The following ZNF736 variants were observed in gnomAD, a reference collection of about 807,000 sequenced individuals.
ZNF736 encodes the protein KRAB-containing zinc-finger repressor protein.
In ZNF736, 6 loss-of-function variants were observed where a neutral mutation model predicts 11.7. That is an observed-to-expected ratio of 0.51 (90% CI 0.28 to 1.01). The LOEUF (loss-of-function observed/expected upper bound fraction) is 1.01. Ranked by LOEUF, ZNF736 falls within the 50% of genes least tolerant of loss-of-function variation. ZNF736 has a pLI of 0.09. For synonymous variants in ZNF736, 139 were observed against 164.7 expected (o/e 0.84, Z 1.19); for missense variants, 444 against 496.0 (o/e 0.90, Z 1.00).
At chr7:64,316,646 C>T (rs934130313) in intron 1 of ZNF736, among the ~76,000 whole-genome samples, 3 of 152,084 alleles carry the variant, frequency 2.0e-5, no homozygotes, top group Non-Finnish European at 2.9e-5. Context: ...CACTACTTCT[C>T]CCTGTGTTTG....
Position 64,354,671 on chromosome 7 carries a change from T to A in ZNF736, c.*5524T>A, listed in dbSNP as rs1204064316. 6.6e-6 allele frequency: 1 copy of A among 152,200 alleles called. No homozygotes were observed. Among genetic ancestry groups the A allele is most frequent in the African/African-American group, 2.4e-5 (1 of 41,462 alleles). The allele number at this position is 152,200 out of a possible 1,614,324, so 9.4% of individuals were successfully genotyped here. A position where few individuals can be genotyped will look rare whatever the true frequency, so the allele number is the denominator to read the frequency against. ...TGAAAGTGACTTTGATAAAATTTAA[T>A]GGTGTTCACAAAATAATTTTCACGT... On this transcript the variant is annotated 3_prime_UTR_variant, in exon 4 of 4. Coordinates refer to ENST00000423484, the MANE Select transcript of ZNF736 (RefSeq NM_001170905.3).
intron 1 of ZNF736, among the ~76,000 whole-genome samples, chr7:64,319,791 G>A (rs1788979023): frequency 7.1e-6 from 1 of 140,554 alleles, no homozygotes; most frequent in African/African-American, 2.8e-5. Context: ...ACTACGCTCA[G>A]ACAAAAACAT....
intron 1 of ZNF736, among the ~76,000 whole-genome samples, chr7:64,331,546 T>C (rs532362608): frequency 3.7e-4 from 57 of 152,340 alleles, no homozygotes; most frequent in African/African-American, 1.3e-3. Context: ...TTTGCTCTTA[T>C]GAAGATGCTT....
At chr7:64,340,980 C>T (rs1481511774) in intron 3 of ZNF736, among the ~76,000 whole-genome samples, 1 of 151,906 alleles carries the variant, frequency 6.6e-6, no homozygotes, top group East Asian at 1.9e-4. Context: ...CATTGGTCTC[C>T]TTAATCATAT....
intron 3 of ZNF736, among the ~76,000 whole-genome samples, chr7:64,342,825 A>T (rs1789356724): frequency 6.6e-6 from 1 of 152,102 alleles, no homozygotes; most frequent in African/African-American, 2.4e-5. Flanking sequence ...CATTTTCATC[A>T]ACTTTTCTCA....
Position 64,314,077 on chromosome 7 carries a change from G to C in ZNF736, c.-74G>C. On this transcript the variant is annotated 5_prime_UTR_variant, in exon 1 of 4. Transcript: ENST00000423484. ...GGAGTTCCTCGGTGACTCTACTATA[G>C]CTTCTGTTATCCTGTGACCTGCAGG... 1 of 1,547,148 alleles carries C rather than the reference G, an allele frequency of 6.5e-7. No homozygotes were observed. The highest frequency in any genetic ancestry group is 8.7e-7 in the Non-Finnish European group (1 of 1,143,168).
chr7:64,325,996 T>C (rs1584267192), intron 1 of ZNF736, among the ~76,000 whole-genome samples: 1 of 152,334 alleles, frequency 6.6e-6, no homozygotes, highest in Admixed American at 6.5e-5. Context: ...ATATGACAAA[T>C]TATGCTGTTA....
At chr7:64,343,128 T>C (rs1275957006) in intron 3 of ZNF736, among the ~76,000 whole-genome samples, 2 of 152,198 alleles carry the variant, frequency 1.3e-5, no homozygotes, top group Non-Finnish European at 2.9e-5. Flanking sequence ...ATTCAAACTT[T>C]ATTGTCTTCA....
At position 64,330,242 on chromosome 7, in the gene ZNF736, C is replaced by T. The variant is rs575131234; in HGVS notation, c.4-6017C>T. 1.3e-4 allele frequency among the ~76,000 whole-genome samples: 20 copies of T among 152,072 alleles called. No homozygotes were observed. In the South Asian group the frequency reaches 3.5e-3, roughly 27 times the overall value. On this transcript the variant is annotated intron_variant, in intron 1 of 3. Transcript: ENST00000423484. Reference sequence around the variant, plus strand: ...AGTGATCTTGGCTCACTGCAAGCTCCGCCTCCCGGGTTCCCGCCATTCTCC... The same window carrying T: ...AGTGATCTTGGCTCACTGCAAGCTCTGCCTCCCGGGTTCCCGCCATTCTCC...
At position 64,348,644 on chromosome 7, in the gene ZNF736, G is replaced by C; in HGVS notation, c.781G>C (p.Glu261Gln). The C allele has an allele frequency of 6.2e-7, 1 of 1,607,386 alleles. No individual in the cohort carries two copies. The highest frequency in any genetic ancestry group is 8.5e-7 in the Non-Finnish European group (1 of 1,176,802). Reference protein sequence around the residue: ...HTGDRPYKCEECGKAFKCFSD... With the variant: ...HTGDRPYKCEQCGKAFKCFSD... ...TGGAGACAGACCCTACAAATGTGAA[G>C]AATGTGGCAAAGCCTTTAAGTGCTT... is the stretch of plus-strand genomic sequence containing the variant. Residue 261 changes from glutamate (E) to glutamine (Q), a missense_variant, in exon 4 of 4, where the codon GAA becomes CAA. Transcript: ENST00000423484.
chr7:64,338,593 A>C (rs1011359057), intron 3 of ZNF736, among the ~76,000 whole-genome samples: 1 of 152,116 alleles, frequency 6.6e-6, no homozygotes, highest in South Asian at 2.1e-4. Flanking sequence ...GAGATCATAC[A>C]GTATTTGTCT....
At chr7:64,319,345 A>G (rs1249405854) in intron 1 of ZNF736, among the ~76,000 whole-genome samples, 2,201 of 101,324 alleles carry the variant, frequency 0.022, 175 homozygotes, top group African/African-American at 0.074. Context: ...ATATATATAT[A>G]TATATATATA....
intron 1 of ZNF736, among the ~76,000 whole-genome samples, chr7:64,324,510 A>G (rs1789056314): frequency 1.3e-5 from 2 of 152,158 alleles, no homozygotes; most frequent in South Asian, 4.1e-4. Context: ...CCATTTAGCT[A>G]CCAGTATGTG....
intron 3 of ZNF736, among the ~76,000 whole-genome samples, chr7:64,344,928 G>C (rs1789387011): frequency 1.3e-5 from 2 of 150,364 alleles, no homozygotes; most frequent in Non-Finnish European, 3.0e-5. Flanking sequence ...TCTTTTTAAA[G>C]ATTGTCAGGC....
chr7:64,314,793 C>T (rs1486029009), intron 1 of ZNF736, among the ~76,000 whole-genome samples: 1 of 152,122 alleles, frequency 6.6e-6, no homozygotes. Flanking sequence ...TCGAACTCCC[C>T]GAGCTCAGGT....
intron 1 of ZNF736, among the ~76,000 whole-genome samples, chr7:64,324,972 G>A: frequency 6.6e-6 from 1 of 152,290 alleles, no homozygotes; most frequent in Non-Finnish European, 1.5e-5. Flanking sequence ...TCTGTTTATG[G>A]ATTACACCTA....
In ZNF736 at chr7:64,349,846, T is replaced by G. The variant is rs1033538744; in HGVS notation, c.*699T>G. ...CCTTGGTCAGATATGAAATTCTGTG[T>G]TGGAATTCTTTTTTTAAGAATGTTG... On this transcript the variant is annotated 3_prime_UTR_variant, in exon 4 of 4. Coordinates refer to ENST00000423484, the MANE Select transcript of ZNF736 (RefSeq NM_001170905.3). 6.6e-6 allele frequency: 1 copy of G among 152,298 alleles called. No homozygotes were observed. The highest frequency in any genetic ancestry group is 1.5e-5 in the Non-Finnish European group (1 of 68,092). The allele number at this position is 152,298 out of a possible 1,614,324, so 9.4% of individuals were successfully genotyped here.
intron 1 of ZNF736, among the ~76,000 whole-genome samples, chr7:64,316,407 G>A (rs1788919075): frequency 6.6e-6 from 1 of 152,230 alleles, no homozygotes; most frequent in Non-Finnish European, 1.5e-5. Context: ...CTTGCCCTCT[G>A]GTTTCTCTCA....
chr7:64,314,127 G>A lies in ZNF736; in HGVS notation c.-24G>A, dbSNP rs1486299455. 2 of 1,552,000 alleles carry A rather than the reference G, an allele frequency of 1.3e-6. No individual in the cohort carries two copies. Among genetic ancestry groups the A allele is most frequent in the Non-Finnish European group, 1.7e-6 (2 of 1,147,240 alleles). ...GTACTGGGAGATCCATAGGGAGGAC[G>A]GCGGAACATCTGGAGGCTGGGAAAT... On this transcript the variant is annotated 5_prime_UTR_variant, in exon 1 of 4. Transcript: ENST00000423484.
Sources: allele counts gnomAD v4.1 joint callset (sites outside exome capture counted in the v4.1 genomes callset), GRCh38; gene constraint gnomAD v4.1.1; transcripts MANE v1.5; gene names NCBI Gene and HGNC (gene_info 2026-07-23, HGNC 2026-07-21).